The following C22orf42 variants were observed in gnomAD, a reference collection of about 807,000 sequenced individuals.
The protein encoded by C22orf42 is uncharacterized protein C22orf42.
Under a neutral mutation model 31.4 loss-of-function variants are expected in C22orf42, and 24 were observed. The ratio of observed to expected loss-of-function variants is 0.77; its 90% CI spans 0.55 to 1.08. C22orf42 has a LOEUF of 1.08. C22orf42 is among the 50% of genes least tolerant of loss of function. C22orf42 has a pLI of 0.00. For missense variants in C22orf42, 276 were observed against 327.3 expected, an observed-to-expected ratio of 0.84 and a Z score of 1.21; for synonymous variants, 96 against 112.7, an observed-to-expected ratio of 0.85 and a Z score of 0.94.
Position 32,159,256 on chromosome 22 carries a change from A to G in C22orf42, c.-41T>C. The G allele has an allele frequency of 6.2e-7, 1 of 1,603,030 alleles. No individual in the cohort carries two copies. Among genetic ancestry groups the G allele is most frequent in the South Asian group, 1.1e-5 (1 of 90,864 alleles). On this transcript the variant is annotated 5_prime_UTR_variant, in exon 1 of 9. Coordinates refer to ENST00000382097, the MANE Select transcript of C22orf42 (RefSeq NM_001010859.3). The stretch of plus-strand genomic sequence containing the variant: ...ACAAAAAAGTCCAAGAGGCACAAGG[A>G]CAGAATGTAGTCGGAGCTCCTCCTC...
intron 8 of C22orf42, 56 bp downstream of exon 8, chr22:32,149,697 A>G: frequency 6.8e-6 from 8 of 1,184,092 alleles, no homozygotes; most frequent in Non-Finnish European, 8.7e-6. Context: ...ACATATCTAT[A>G]TCTATATCTA....
At position 32,150,401 on chromosome 22, in the gene C22orf42, G is replaced by A; in HGVS notation, c.572C>T (p.Ser191Phe). 1 of 1,614,106 alleles carries A rather than the reference G, an allele frequency of 6.2e-7. No individual in the cohort carries two copies. ...TGTCATGAAGTCTTCAAGAGAGACAGATAGGCTTTCACTGAGATCCGATGT... is the reference window on the plus strand; with the variant it reads ...TGTCATGAAGTCTTCAAGAGAGACAAATAGGCTTTCACTGAGATCCGATGT... ...FMTSDLSESLSVSLEDFMTSG... is the reference protein window; with the variant it reads ...FMTSDLSESLFVSLEDFMTSG... The change falls in exon 7 of 9, where the codon TCT (serine) becomes TTT (phenylalanine). Residue 191 changes from serine (S) to phenylalanine (F), a missense_variant. Transcript: ENST00000382097.
rs752035598 is a variant in C22orf42 at position 32,159,015 on chromosome 22, C to T, written c.201G>A (p.Pro67=). The T allele has an allele frequency of 8.7e-6, 14 of 1,614,052 alleles. No homozygotes were observed. Among genetic ancestry groups the T allele is most frequent in the African/African-American group, 4.0e-5 (3 of 74,918 alleles). The change falls in exon 1 of 9, where the codon CCG becomes CCA. Residue 67 remains proline, a synonymous_variant. Transcript: ENST00000382097. The part of the protein sequence containing the change: ...KAQLMQYLSL[P]KTPKMLKMSK... Reference sequence around the variant, plus strand: ...ACATCTTCAGCATCTTCGGCGTCTTCGGGAGGCTGAGGTACTGCATGAGTT... The same window carrying T: ...ACATCTTCAGCATCTTCGGCGTCTTTGGGAGGCTGAGGTACTGCATGAGTT...
chr22:32,158,399 C>A (rs975725973), intron 1 of C22orf42, among the ~76,000 whole-genome samples: 2 of 152,200 alleles, frequency 1.3e-5, no homozygotes, highest in African/African-American at 4.8e-5. Flanking sequence ...TTCTTTACAG[C>A]TCTGGCACTA....
At chr22:32,152,414 G>T in intron 3 of C22orf42, 148 bp downstream of exon 3, 2 of 714,924 alleles carry the variant, frequency 2.8e-6, no homozygotes, top group Admixed American at 2.5e-5. Context: ...GGCCTCAGTT[G>T]GTCATAACCT....
intron 8 of C22orf42, 56 bp from the exon 9 acceptor site, chr22:32,149,669 C>A (rs926644595): frequency 6.0e-6 from 7 of 1,174,404 alleles, no homozygotes; most frequent in South Asian, 2.6e-5. Flanking sequence ...ATATATATAT[C>A]TACATATATG....
chr22:32,154,252 T>G lies in C22orf42; in HGVS notation c.299A>C (p.Glu100Ala), dbSNP rs1921137937. Reference sequence around the variant, plus strand: ...TTTAATTTCCACATTACCTATATTTTCTAGAGGCCAAATCCCGTGCCGTCT... The same window carrying G: ...TTTAATTTCCACATTACCTATATTTGCTAGAGGCCAAATCCCGTGCCGTCT... ...IWRRHGIWPL[E>A]NIGPTEDVQA... Residue 100 changes from glutamate to alanine, a missense_variant, in exon 2 of 9, where the codon GAA becomes GCA. Transcript: ENST00000382097. 1.2e-6 allele frequency: 2 copies of G among 1,608,796 alleles called. No homozygotes were observed. Among genetic ancestry groups the G allele is most frequent in the Non-Finnish European group, 1.7e-6 (2 of 1,178,586 alleles).
chr22:32,160,080 A>C (rs1471225690), upstream of C22orf42: 1 of 152,206 alleles, frequency 6.6e-6, no homozygotes, highest in Non-Finnish European at 1.5e-5. Flanking sequence ...ACAGTATTCC[A>C]ACAGTGGTAT....
intron 6 of C22orf42, 36 bp downstream of exon 6, chr22:32,150,956 A>G (rs1476091383): frequency 6.3e-7 from 1 of 1,588,888 alleles, no homozygotes; most frequent in South Asian, 1.1e-5. Context: ...CATGTCAACT[A>G]CACGTAAATA....
chr22:32,160,055 T>C (rs1055480436), upstream of C22orf42: 7 of 152,248 alleles, frequency 4.6e-5, no homozygotes, highest in African/African-American at 1.7e-4. Context: ...GAACAGTAAA[T>C]ATCTGGCAAG....
In C22orf42 at chr22:32,150,318, C is replaced by T; in HGVS notation, c.654+1G>A. 2 of 1,612,638 alleles carry T rather than the reference C, an allele frequency of 1.2e-6. No individual in the cohort carries two copies. Among genetic ancestry groups the T allele is most frequent in the Non-Finnish European group, 1.7e-6 (2 of 1,178,812 alleles). On this transcript the variant is annotated splice_donor_variant, in intron 7 of 8. Coordinates refer to ENST00000382097, the MANE Select transcript of C22orf42 (RefSeq NM_001010859.3). LOFTEE classifies it high-confidence loss of function. Reference sequence around the variant, plus strand: ...CTTCCAGACAAAGAAATGCATCTTACCATCTCCGGTGTCATGAGGTCTTCA... The same window carrying T: ...CTTCCAGACAAAGAAATGCATCTTATCATCTCCGGTGTCATGAGGTCTTCA...
chr22:32,159,179 C>G lies in C22orf42; in HGVS notation c.37G>C (p.Gly13Arg). Residue 13 changes from glycine to arginine, a missense_variant, in exon 1 of 9, where the codon GGG becomes CGG. Physicochemically the swap from Gly to Arg is moderately radical, Grantham distance 125 (BLOSUM62 -2). Transcript: ENST00000382097. ...CTGCAGCAGTCACAGTTGAGGCCCC[C>G]GCTGGGGCCCAGGCAGCAAGTCAGT... ...SKLTCCLGPS[G>R]GLNCDCCRPD... The G allele has an allele frequency of 6.2e-7, 1 of 1,613,976 alleles. No homozygotes were observed. Among genetic ancestry groups the G allele is most frequent in the Non-Finnish European group, 8.5e-7 (1 of 1,180,034 alleles).
chr22:32,160,143 C>G (rs1336993507), upstream of C22orf42: 1 of 152,102 alleles, frequency 6.6e-6, no homozygotes, highest in Non-Finnish European at 1.5e-5. Flanking sequence ...CAGAATCAAT[C>G]TAGATGGAGA....
At chr22:32,158,877 G>A (rs937511959) in intron 1 of C22orf42, 107 bp downstream of exon 1, 3 of 1,264,722 alleles carry the variant, frequency 2.4e-6, no homozygotes, top group African/African-American at 3.0e-5. Context: ...TGGGCAGGAG[G>A]GAGCTGGAAG....
chr22:32,159,309 C>G, upstream of C22orf42: 2 of 1,518,554 alleles, frequency 1.3e-6, no homozygotes, highest in Non-Finnish European at 1.8e-6. Context: ...CGACTGAAGG[C>G]TGCTGGCCCT....
In C22orf42 at chr22:32,151,054, G is replaced by A; in HGVS notation, c.466-35C>T. ...GAGAAAAGAAAAAGAAACACCATGA[G>A]GATCAGATCTTGCTGGGTTCTGTTG... On this transcript the variant is annotated intron_variant, in intron 5 of 8. Coordinates refer to ENST00000382097, the MANE Select transcript of C22orf42 (RefSeq NM_001010859.3). 1.9e-6 allele frequency: 3 copies of A among 1,607,782 alleles called. No individual in the cohort carries two copies. The South Asian group carries it at 3.4e-5, about 18-fold the overall frequency.
chr22:32,149,511 G>A lies in C22orf42; in HGVS notation c.*29C>T. 1 of 1,511,988 alleles carries A rather than the reference G, an allele frequency of 6.6e-7. No homozygotes were observed. Among genetic ancestry groups the A allele is most frequent in the Non-Finnish European group, 8.9e-7 (1 of 1,122,730 alleles). The allele number at this position is 1,511,988 out of a possible 1,614,324, so 93.7% of individuals were successfully genotyped here. A position where few individuals can be genotyped will look rare whatever the true frequency, so the allele number is the denominator to read the frequency against. On this transcript the variant is annotated 3_prime_UTR_variant, in exon 9 of 9. Coordinates refer to ENST00000382097, the MANE Select transcript of C22orf42 (RefSeq NM_001010859.3). ...ATGATTTGAGCTGGGCGTGATGGCA[G>A]GCGTCTGTAATCCCAGCTACTTGGA... is the stretch of plus-strand genomic sequence containing the variant.
At chr22:32,149,811 G>A (rs200254624) in intron 7 of C22orf42, 31 bp from the exon 8 acceptor site, 965 of 1,482,220 alleles carry the variant, frequency 6.5e-4, no homozygotes, top group Middle Eastern at 1.3e-3. Context: ...ACGCCATGAG[G>A]ATCGGATCAT....
In C22orf42 at chr22:32,159,172, AGGCCCCCGCTG is replaced by A. The variant is rs761292824; in HGVS notation, c.33_43del (p.Ser12GlnfsTer3). 5.0e-6 allele frequency: 8 copies of A among 1,613,974 alleles called. No homozygotes were observed. In the East Asian group the frequency reaches 1.6e-4, roughly 31 times the overall value. On this transcript the variant is annotated frameshift_variant, in exon 1 of 9. Transcript: ENST00000382097. LOFTEE classifies it high-confidence loss of function. ...ATCTGGCCTGCAGCAGTCACAGTTGAGGCCCCCGCTGGGGCCCAGGCAGCAAGTCAGTTTGC... is the reference window on the plus strand; with the variant it reads ...ATCTGGCCTGCAGCAGTCACAGTTGAGGGCCCAGGCAGCAAGTCAGTTTGC...
Sources: gnomAD v4.1 joint callset for allele counts (sites outside exome capture counted in the v4.1 genomes callset) on GRCh38, gnomAD v4.1.1 for gene constraint, MANE v1.5 for transcripts, NCBI Gene and HGNC (gene_info 2026-07-23, HGNC 2026-07-21) for gene names.